CIMAP2: variants seen among roughly 807,000 people sequenced by gnomAD.
CIMAP2 encodes ciliary microtubule-associated protein 2.
chr1:54,814,813 T>C, the CIMAP2 span: 352 of 1,529,992 alleles, frequency 2.3e-4, no homozygotes, highest in Middle Eastern at 3.1e-3. Context: ...CCAGGGCTGC[T>C]GGATGGGTGG....
chr1:54,830,620 G>A, the CIMAP2 span, among the ~76,000 whole-genome samples: 41 of 152,206 alleles, frequency 2.7e-4, no homozygotes, highest in Admixed American at 2.0e-3. This position sits in a 1 kb window ranked among gnomAD's most constrained non-coding sequence, Gnocchi z 4.1. Flanking sequence ...CCAATCTTCT[G>A]CCAGGCTAAA....
At chr1:54,830,261 T>C in the CIMAP2 span, among the ~76,000 whole-genome samples, 1 of 152,172 alleles carries the variant, frequency 6.6e-6, no homozygotes, top group Non-Finnish European at 1.5e-5. This position sits in a 1 kb window ranked among gnomAD's most constrained non-coding sequence, Gnocchi z 4.1. Flanking sequence ...TTGCTTTTGT[T>C]GCCCAGGATG....
chr1:54,814,149 G>A, the CIMAP2 span, among the ~76,000 whole-genome samples: 7 of 152,132 alleles, frequency 4.6e-5, no homozygotes, highest in African/African-American at 9.7e-5. Context: ...GACTTTGGGC[G>A]TCGGTTTATA....
the CIMAP2 span, among the ~76,000 whole-genome samples, chr1:54,833,139 A>T: frequency 1.1e-3 from 165 of 152,290 alleles, no homozygotes; most frequent in South Asian, 5.8e-3. Flanking sequence ...AGCCAGTCTG[A>T]TTGCGGGTGT....
chr1:54,821,361 G>A, the CIMAP2 span, among the ~76,000 whole-genome samples: 1 of 152,080 alleles, frequency 6.6e-6, no homozygotes, highest in Admixed American at 6.5e-5. Context: ...ACAATTTTGG[G>A]TCTGACATTT....
chr1:54,831,710 A>C, the CIMAP2 span, among the ~76,000 whole-genome samples: 6 of 152,218 alleles, frequency 3.9e-5, no homozygotes, highest in African/African-American at 1.4e-4. Context: ...ATGATATATC[A>C]GATAAATGTA....
At chr1:54,809,045 C>G in the CIMAP2 span, among the ~76,000 whole-genome samples, 44 of 15,288 alleles carry the variant, frequency 2.9e-3, no homozygotes, top group African/African-American at 7.0e-3. Flanking sequence ...TTCACTGCAG[C>G]ACTCTGAGGT....
chr1:54,813,771 A>G, the CIMAP2 span: 1 of 1,550,980 alleles, frequency 6.4e-7, no homozygotes, highest in South Asian at 1.3e-5. Context: ...GGAGCTCTTG[A>G]TTTTCCTGGC....
chr1:54,833,084 T>C, the CIMAP2 span, among the ~76,000 whole-genome samples: 1 of 152,074 alleles, frequency 6.6e-6, no homozygotes, highest in Non-Finnish European at 1.5e-5. Flanking sequence ...GATCCTCAGC[T>C]CTTTCATGTT....
chr1:54,813,084 A>G, the CIMAP2 span, among the ~76,000 whole-genome samples: 1 of 151,780 alleles, frequency 6.6e-6, no homozygotes, highest in Non-Finnish European at 1.5e-5. Context: ...CACTGTGGCC[A>G]GTGCCCATTC....
the CIMAP2 span, among the ~76,000 whole-genome samples, chr1:54,821,901 T>C: frequency 1.2e-5 from 1 of 80,988 alleles, no homozygotes; most frequent in East Asian, 4.9e-4. Flanking sequence ...TTTTTTTTTT[T>C]TTTTTTTTTT....
chr1:54,810,261 T>C, the CIMAP2 span, among the ~76,000 whole-genome samples: 2 of 151,942 alleles, frequency 1.3e-5, no homozygotes, highest in Non-Finnish European at 2.9e-5. Context: ...GATTTTGGAG[T>C]TGAAACTCTC....
At chr1:54,838,217 T>C in the CIMAP2 span, among the ~76,000 whole-genome samples, 2 of 152,122 alleles carry the variant, frequency 1.3e-5, no homozygotes, top group South Asian at 2.1e-4. Flanking sequence ...GCATAGTAGT[T>C]CATGCCTGTA....
the CIMAP2 span, chr1:54,806,149 T>G: frequency 6.5e-7 from 1 of 1,550,184 alleles, no homozygotes; most frequent in South Asian, 1.2e-5. Context: ...CCGGAGCTCA[T>G]GGCTGGAACC....
At chr1:54,820,104 C>CTT in the CIMAP2 span, among the ~76,000 whole-genome samples, 61 of 37,402 alleles carry the variant, frequency 1.6e-3, 1 homozygote, top group African/African-American at 3.9e-3. Context: ...TTCTTTCTTT[C>CTT]TCTCTCTCTC....
the CIMAP2 span, among the ~76,000 whole-genome samples, chr1:54,828,013 G>A: frequency 1.3e-5 from 2 of 152,112 alleles, no homozygotes; most frequent in African/African-American, 4.8e-5. Context: ...AGTAACTAGA[G>A]GTTTCTCAAT....
At chr1:54,828,281 A>G in the CIMAP2 span, among the ~76,000 whole-genome samples, 1 of 152,184 alleles carries the variant, frequency 6.6e-6, no homozygotes, top group Non-Finnish European at 1.5e-5. Flanking sequence ...CTTATACTGC[A>G]GCCATAACAA....
the CIMAP2 span, among the ~76,000 whole-genome samples, chr1:54,808,625 T>C: frequency 1.1e-5 from 1 of 91,330 alleles, no homozygotes; most frequent in Non-Finnish European, 2.6e-5. Flanking sequence ...GGGAGGGCAG[T>C]GGAGGGCTTT....
the CIMAP2 span, among the ~76,000 whole-genome samples, chr1:54,813,433 A>G: frequency 4.6e-5 from 7 of 152,228 alleles, no homozygotes; most frequent in Non-Finnish European, 1.0e-4. Context: ...CTGCCGTCCA[A>G]ATCCTCTGTG....
Sources: gnomAD v4.1 joint callset for allele counts (sites outside exome capture counted in the v4.1 genomes callset) on GRCh38, gnomAD v4.1.1 for gene constraint, Gnocchi (gnomAD v3.1) non-coding constraint, MANE v1.5 for transcripts, NCBI Gene and HGNC (gene_info 2026-07-23, HGNC 2026-07-21) for gene names.